ADH6: variants seen among roughly 807,000 people sequenced by gnomAD.
ADH6 encodes alcohol dehydrogenase 6 (class V).
Under a neutral mutation model 36.5 loss-of-function variants are expected in ADH6, and 34 were observed. The observed-to-expected ratio is 0.93, with a 90% CI of 0.71 to 1.24. ADH6 has a LOEUF of 1.24. Among genes scored for constraint, ADH6 ranks in the 50% most tolerant of loss-of-function variants. The pLI is 0.00. For synonymous variants in ADH6, 161 were observed against 155.5 expected, an observed-to-expected ratio of 1.04 and a Z score of -0.26; for missense variants, 440 against 447.0, an observed-to-expected ratio of 0.98 and a Z score of 0.14.
At position 99,207,455 on chromosome 4, in the gene ADH6, C is replaced by G. The variant is rs1731074063; in HGVS notation, c.955G>C (p.Val319Leu). Residue 319 changes from valine (V) to leucine (L), a missense_variant, in exon 7 of 9, where the codon GTT (valine) becomes CTT (leucine). Physicochemically the swap from Val to Leu is conservative, Grantham distance 32. Coordinates refer to ENST00000394899, the MANE Select transcript of ADH6 (RefSeq NM_001102470.2). ...CCTGCTTCATCCATACCTCCAAAAA[C>G]AGAACCCTTCAAAGAACGTCCTGAG... ...FFSGRSLKGS[V>L]FGGWKSRQHI... 6.2e-7 allele frequency: 1 copy of G among 1,613,246 alleles called. No homozygotes were observed.
intron 3 of ADH6, 23 bp downstream of exon 3, chr4:99,213,583 T>C: frequency 1.3e-6 from 2 of 1,578,618 alleles, no homozygotes; most frequent in Non-Finnish European, 1.7e-6. Context: ...TGCTGTTTCC[T>C]ATTACCAGGT....
At chr4:99,208,097 A>G (rs1056783506) in intron 6 of ADH6, among the ~76,000 whole-genome samples, 1 of 152,130 alleles carries the variant, frequency 6.6e-6, no homozygotes, top group Non-Finnish European at 1.5e-5. Flanking sequence ...AAGATTTTTT[A>G]TGCTGGGAAA....
chr4:99,213,784 T>C, intron 2 of ADH6, 37 bp from the exon 3 acceptor site: 2 of 1,519,604 alleles, frequency 1.3e-6, no homozygotes, highest in Non-Finnish European at 1.8e-6. Context: ...GTTCCCGCTG[T>C]TTCAGATAAT....
chr4:99,205,035 T>C lies in ADH6; in HGVS notation c.993A>G (p.Lys331=). ...GGWKSRQHIP[K]LVADYMAEKL... ...TCTCTGCCATATAATCAGCAACCAG[T>C]TTAGGGATGTGCTGTCTGCTCTTCC... Residue 331 remains lysine (K), a synonymous_variant, in exon 8 of 9, where the codon AAA becomes AAG. Coordinates refer to ENST00000394899, the MANE Select transcript of ADH6 (RefSeq NM_001102470.2). The C allele has an allele frequency of 1.3e-6, 2 of 1,598,472 alleles. No homozygotes were observed. Among genetic ancestry groups the C allele is most frequent in the Non-Finnish European group, 8.5e-7 (1 of 1,172,670 alleles).
Position 99,219,240 on chromosome 4 carries a change from G to A in ADH6, c.-88C>T, listed in dbSNP as rs1168995655. Reference sequence around the variant, plus strand: ...GTAGAAAGTACAAAGGTACACAGGCGACTGGTAGATCAGAAGGCTGGGTCC... The same window carrying A: ...GTAGAAAGTACAAAGGTACACAGGCAACTGGTAGATCAGAAGGCTGGGTCC... On this transcript the variant is annotated 5_prime_UTR_variant, in exon 1 of 9. Coordinates refer to ENST00000394899, the MANE Select transcript of ADH6 (RefSeq NM_001102470.2). 1 of 1,231,764 alleles carries A rather than the reference G, an allele frequency of 8.1e-7. No individual in the cohort carries two copies. The highest frequency in any genetic ancestry group is 1.2e-5 in the South Asian group (1 of 81,234). 76.3% of individuals were successfully genotyped at this position (1,231,764 alleles called of 1,614,324 possible).
rs908557019 is a variant in ADH6 at position 99,202,959 on chromosome 4, C to G, written c.*1260G>C. ...GGCCCCTAAAGGGAAACACAGGATGCCCAACTCATAAGAATCAGACTGTTA... is the reference window on the plus strand; with the variant it reads ...GGCCCCTAAAGGGAAACACAGGATGGCCAACTCATAAGAATCAGACTGTTA... On this transcript the variant is annotated 3_prime_UTR_variant, in exon 9 of 9. Transcript: ENST00000394899. 1 of 394,940 alleles carries G rather than the reference C, an allele frequency of 2.5e-6. No homozygotes were observed. The highest frequency in any genetic ancestry group is 4.5e-6 in the Non-Finnish European group (1 of 224,048). 24.5% of individuals were successfully genotyped at this position (394,940 alleles called of 1,614,324 possible). A position where few individuals can be genotyped will look rare whatever the true frequency, so the allele number is the denominator to read the frequency against.
At chr4:99,217,843 C>T (rs1731505042) in intron 1 of ADH6, among the ~76,000 whole-genome samples, 2 of 152,040 alleles carry the variant, frequency 1.3e-5, no homozygotes, top group Non-Finnish European at 2.9e-5. Flanking sequence ...TGATCCTAAG[C>T]ATGGGAAAAA....
chr4:99,210,595 A>T (rs777636981), intron 3 of ADH6, 93 bp from the exon 4 acceptor site: 9 of 896,956 alleles, frequency 1.0e-5, no homozygotes, highest in Non-Finnish European at 1.6e-5. Flanking sequence ...GCACCCAAGA[A>T]GAAATGACAG....
intron 1 of ADH6, among the ~76,000 whole-genome samples, chr4:99,217,501 A>C (rs1731491124): frequency 6.6e-6 from 1 of 152,200 alleles, no homozygotes; most frequent in Non-Finnish European, 1.5e-5. Context: ...TATTTCACTT[A>C]AGATAATGAT....
chr4:99,207,320 T>C (rs1374678620), intron 7 of ADH6, 126 bp downstream of exon 7: 3 of 1,320,370 alleles, frequency 2.3e-6, no homozygotes, highest in African/African-American at 3.0e-5. Context: ...TATTCATATG[T>C]TGAAAAAAAA....
chr4:99,211,601 A>G (rs1187946506), intron 3 of ADH6, among the ~76,000 whole-genome samples: 1 of 152,196 alleles, frequency 6.6e-6, no homozygotes, highest in Non-Finnish European at 1.5e-5. Flanking sequence ...GTTATGCTAC[A>G]TGGCAAGGGG....
intron 5 of ADH6, 82 bp from the exon 6 acceptor site, chr4:99,209,010 A>G: frequency 7.2e-7 from 1 of 1,389,610 alleles, no homozygotes; most frequent in Non-Finnish European, 9.7e-7. Flanking sequence ...GGCTAAGTCT[A>G]TATGCATGTA....
intron 8 of ADH6, chr4:99,204,466 T>A: frequency 7.5e-7 from 1 of 1,340,974 alleles, no homozygotes; most frequent in Non-Finnish European, 9.5e-7. Flanking sequence ...GGAATGCCAG[T>A]TTCTGGGTTA....
chr4:99,214,622 A>T (rs973613426), intron 2 of ADH6, among the ~76,000 whole-genome samples: 7 of 152,140 alleles, frequency 4.6e-5, no homozygotes, highest in Admixed American at 3.3e-4. Flanking sequence ...CCCCCTTCTC[A>T]GCTGTGTGAA....
In ADH6 at chr4:99,206,168, TC is replaced by T. The variant is rs1354835575; in HGVS notation, c.965-1106del. Among the ~76,000 whole-genome samples the T allele has an allele frequency of 3.3e-5, 5 of 152,260 alleles. No individual in the cohort carries two copies. The South Asian group carries it at 1.0e-3, about 32-fold the overall frequency. On this transcript the variant is annotated intron_variant, in intron 7 of 8. Coordinates refer to ENST00000394899, the MANE Select transcript of ADH6 (RefSeq NM_001102470.2). The stretch of plus-strand genomic sequence containing the variant: ...ACCACAGACGGGACTAGGCAGTGTT[TC>T]TCAACAAGGGCACTACTGGCATTTT...
rs775274531 is a variant in ADH6 at position 99,216,227 on chromosome 4, A to G, written c.54T>C (p.Pro18=). 2 of 1,584,082 alleles carry G rather than the reference A, an allele frequency of 1.3e-6. No homozygotes were observed. The highest frequency in any genetic ancestry group is 2.8e-5 in the African/African-American group (2 of 72,598). The change falls in exon 2 of 9, where the codon CCT becomes CCC. Residue 18 remains proline (P), a synonymous_variant. Transcript: ENST00000394899. ...CCTCTTCAATAGAAAATGGTGCACC[A>G]GGCTTCCAGAGTATGGCTGCTTTGC... ...IRCKAAILWK[P]GAPFSIEEVE...
intron 4 of ADH6, 58 bp from the exon 5 acceptor site, chr4:99,210,356 G>T: frequency 6.3e-7 from 1 of 1,596,610 alleles, no homozygotes; most frequent in Non-Finnish European, 8.6e-7. Flanking sequence ...AGAAAGCTTA[G>T]ATCTTCTCCA....
At chr4:99,216,033 A>G (rs1731401402) in intron 2 of ADH6, 128 bp downstream of exon 2, 1 of 484,884 alleles carries the variant, frequency 2.1e-6, no homozygotes, top group Non-Finnish European at 3.5e-6. Context: ...TGAAAAAGAA[A>G]TACAAAGATA....
intron 8 of ADH6, 118 bp downstream of exon 8, chr4:99,204,807 C>A: frequency 7.3e-7 from 1 of 1,367,370 alleles, no homozygotes; most frequent in East Asian, 2.7e-5. Flanking sequence ...CTGAAAGCCT[C>A]TTCAATTATC....
Sources: gnomAD v4.1 joint callset for allele counts (sites outside exome capture counted in the v4.1 genomes callset) on GRCh38, gnomAD v4.1.1 for gene constraint, MANE v1.5 for transcripts, NCBI Gene and HGNC (gene_info 2026-07-23, HGNC 2026-07-21) for gene names.